The following PCDHGA1 variants were observed in gnomAD, a reference collection of about 807,000 sequenced individuals.
PCDHGA1 encodes the protein protocadherin gamma-A1.
A neutral mutation model predicts 58.0 loss-of-function variants in PCDHGA1; 32 were observed. The ratio of observed to expected loss-of-function variants is 0.55; its 90% CI spans 0.42 to 0.74. PCDHGA1 has a LOEUF of 0.74. PCDHGA1 is among the 30% of genes least tolerant of loss of function. The probability of loss-of-function intolerance (pLI) is 0.00; values close to 1 mark genes in which losing one functional copy is unlikely to be tolerated. For synonymous variants in PCDHGA1, 498 were observed against 501.1 expected, an observed-to-expected ratio of 0.99 and a Z score of 0.08; for missense variants, 1,205 against 1,182.3, an observed-to-expected ratio of 1.02 and a Z score of -0.28.
intron 1 of PCDHGA1, among the ~76,000 whole-genome samples, chr5:141,462,783 T>C (rs1313584666): frequency 6.6e-6 from 1 of 152,236 alleles, no homozygotes; most frequent in Non-Finnish European, 1.5e-5. Flanking sequence ...CATAATTTGT[T>C]GCTTATTTGC....
At chr5:141,366,185 G>A in intron 1 of PCDHGA1, 1 of 1,614,010 alleles carries the variant, frequency 6.2e-7, no homozygotes, top group Admixed American at 1.7e-5. Flanking sequence ...ACTCTTTGCG[G>A]TTGGGCTGCA....
At chr5:141,509,551 C>T (rs2099877337) in intron 3 of PCDHGA1, among the ~76,000 whole-genome samples, 1 of 152,164 alleles carries the variant, frequency 6.6e-6, no homozygotes, top group South Asian at 2.1e-4. Context: ...CTCATTTAGT[C>T]CTCACAGCAG....
chr5:141,372,977 T>C (rs1769216145), intron 1 of PCDHGA1: 2 of 661,598 alleles, frequency 3.0e-6, no homozygotes, highest in Admixed American at 3.3e-5. Context: ...CTGTAGAATA[T>C]CTGTGTTGCA....
intron 1 of PCDHGA1, among the ~76,000 whole-genome samples, chr5:141,335,186 T>C (rs1406582044): frequency 6.6e-6 from 1 of 152,228 alleles, no homozygotes; most frequent in East Asian, 1.9e-4. Context: ...TTCTGGACTT[T>C]CTCAGCTCTT....
Position 141,422,887 on chromosome 5 carries a change from C to G in PCDHGA1, c.2422-71920C>G, listed in dbSNP as rs2154549815. ...CAACGTGTCGCTGAGCCTGTTCGTG[C>G]TGGACCAGAACGACAATGCGCCCGA... On this transcript the variant is annotated intron_variant, in intron 1 of 3. Coordinates refer to ENST00000517417, the MANE Select transcript of PCDHGA1 (RefSeq NM_018912.3). The G allele has an allele frequency of 2.5e-6, 4 of 1,614,264 alleles. No homozygotes were observed. In the Middle Eastern group the frequency reaches 4.9e-4, roughly 200 times the overall value.
In PCDHGA1 at chr5:141,476,659, G is replaced by A; in HGVS notation, c.2422-18148G>A. On this transcript the variant is annotated intron_variant, in intron 1 of 3. Coordinates refer to ENST00000517417, the MANE Select transcript of PCDHGA1 (RefSeq NM_018912.3). The surrounding 1 kb of genome is among the most constrained non-coding windows in gnomAD (Gnocchi z 7.6). ...AGCTGAGCCGAAATGAATACTTTGC[G>A]CTTCGCGTGCAGACGCGGGAGGACA... 2 of 1,614,252 alleles carry A rather than the reference G, an allele frequency of 1.2e-6. No homozygotes were observed. Among genetic ancestry groups the A allele is most frequent in the Non-Finnish European group, 8.5e-7 (1 of 1,180,048 alleles).
intron 1 of PCDHGA1, chr5:141,367,888 TG>T (rs1765380243): frequency 6.6e-6 from 1 of 152,184 alleles, no homozygotes; most frequent in African/African-American, 2.4e-5. Flanking sequence ...CTTTATTACT[TG>T]AGTTTAAGGT....
rs1256415438 is a variant in PCDHGA1 at position 141,340,133 on chromosome 5, G to A, written c.2421+7028G>A. On this transcript the variant is annotated intron_variant, in intron 1 of 3. Transcript: ENST00000517417. ...CGCATTCACCACCTGTTCACTCCCCGAGGATCTTCCTTTTAAGTTAGAAAA... is the reference window on the plus strand; with the variant it reads ...CGCATTCACCACCTGTTCACTCCCCAAGGATCTTCCTTTTAAGTTAGAAAA... 4.3e-6 allele frequency: 7 copies of A among 1,614,008 alleles called. No homozygotes were observed. The Admixed American group carries it at 6.7e-5, about 15-fold the overall frequency.
chr5:141,340,536 A>G (rs201470140), intron 1 of PCDHGA1: 1 of 1,614,234 alleles, frequency 6.2e-7, no homozygotes, highest in South Asian at 1.1e-5. Context: ...TCCTTTGATT[A>G]TGAGCAGTTG....
At chr5:141,370,760 G>C (rs773157241) in intron 1 of PCDHGA1, 3 of 1,613,980 alleles carry the variant, frequency 1.9e-6, no homozygotes, top group Non-Finnish European at 8.5e-7. Context: ...TAACTGTGCT[G>C]ATCCAGGATA....
intron 1 of PCDHGA1, among the ~76,000 whole-genome samples, chr5:141,405,666 C>T (rs752033736): frequency 3.3e-5 from 5 of 152,198 alleles, no homozygotes; most frequent in Admixed American, 6.5e-5. Flanking sequence ...TTAGTAGAGA[C>T]GGGGTGTCAC....
At chr5:141,470,602 G>A (rs1004044883) in intron 1 of PCDHGA1, among the ~76,000 whole-genome samples, 1 of 152,268 alleles carries the variant, frequency 6.6e-6, no homozygotes, top group South Asian at 2.1e-4. Flanking sequence ...ACCTGTGCGG[G>A]GACACAGGGC....
chr5:141,423,246 G>A, intron 1 of PCDHGA1: 15 of 1,613,922 alleles, frequency 9.3e-6, no homozygotes, highest in Non-Finnish European at 1.3e-5. Context: ...CCGAAGTCCT[G>A]GCGGACCTCG....
chr5:141,400,007 C>G (rs907315450), intron 1 of PCDHGA1: 2 of 1,612,506 alleles, frequency 1.2e-6, no homozygotes, highest in African/African-American at 1.3e-5. Flanking sequence ...ACAGCGCGTG[C>G]CTTGGGCGAC....
chr5:141,371,307 G>A lies in PCDHGA1; in HGVS notation c.2421+38202G>A, dbSNP rs1365898739. 5 of 1,613,970 alleles carry A rather than the reference G, an allele frequency of 3.1e-6. No individual in the cohort carries two copies. In the Admixed American group the frequency reaches 6.7e-5, roughly 22 times the overall value. On this transcript the variant is annotated intron_variant, in intron 1 of 3. Coordinates refer to ENST00000517417, the MANE Select transcript of PCDHGA1 (RefSeq NM_018912.3). ...TAAAACGGGGGAACTCACCACTATTGGAGAACTGGACTTTGAAGAGAGAGA... is the reference window on the plus strand; with the variant it reads ...TAAAACGGGGGAACTCACCACTATTAGAGAACTGGACTTTGAAGAGAGAGA...
chr5:141,356,831 G>A, intron 1 of PCDHGA1: 2 of 1,614,148 alleles, frequency 1.2e-6, no homozygotes, highest in East Asian at 2.2e-5. Flanking sequence ...CCACTCAGCA[G>A]CAATGTGTCA....
intron 1 of PCDHGA1, chr5:141,371,619 G>A (rs780564010): frequency 1.5e-5 from 25 of 1,613,894 alleles, no homozygotes; most frequent in Non-Finnish European, 2.1e-5. Flanking sequence ...GACAGATGGA[G>A]CCCTGGACCG....
chr5:141,409,591 G>A (rs72790040), intron 1 of PCDHGA1: 42,493 of 1,613,766 alleles, frequency 0.026, 744 homozygotes, highest in East Asian at 0.041. Context: ...ACGTGGCCGA[G>A]AACAACCCGC....
chr5:141,457,336 C>T (rs1032184011), intron 1 of PCDHGA1, among the ~76,000 whole-genome samples: 6 of 152,158 alleles, frequency 3.9e-5, no homozygotes, highest in Admixed American at 3.3e-4. Context: ...AGGTACCTTA[C>T]TTACTTTCAT....
Sources: gnomAD v4.1 joint callset for allele counts (sites outside exome capture counted in the v4.1 genomes callset) on GRCh38, gnomAD v4.1.1 for gene constraint, Gnocchi (gnomAD v3.1) non-coding constraint, MANE v1.5 for transcripts, NCBI Gene and HGNC (gene_info 2026-07-23, HGNC 2026-07-21) for gene names.